The following BST1 variants were observed in gnomAD, a reference collection of about 807,000 sequenced individuals.
BST1 encodes ADP-ribosyl cyclase/cyclic ADP-ribose hydrolase 2.
A neutral mutation model predicts 40.6 loss-of-function variants in BST1; 49 were observed. The ratio of observed to expected loss-of-function variants is 1.21; its 90% CI spans 0.96 to 1.53. BST1 has a LOEUF of 1.53. BST1 is among the 40% of genes most tolerant of loss of function. The probability of loss-of-function intolerance (pLI) is 0.00; values close to 1 mark genes in which losing one functional copy is unlikely to be tolerated. For synonymous variants in BST1, 157 were observed against 159.3 expected (o/e 0.99, Z 0.11); for missense variants, 423 against 395.9 (o/e 1.07, Z -0.58).
chr4:15,761,106 A>G, the BST1 span, among the ~76,000 whole-genome samples: 3 of 151,942 alleles, frequency 2.0e-5, no homozygotes, highest in Non-Finnish European at 2.9e-5. Context: ...GTGCTGTGGC[A>G]CAACCTCAGC....
chr4:15,736,006 A>G, downstream of BST1: 1 of 1,138,970 alleles, frequency 8.8e-7, no homozygotes, highest in South Asian at 1.3e-5. Context: ...CACGCAGAGT[A>G]GCAGACATTT....
chr4:15,722,978 C>T (rs376536197), intron 8 of BST1, 44 bp downstream of exon 8: 166 of 1,560,608 alleles, frequency 1.1e-4, no homozygotes, highest in Non-Finnish European at 1.9e-5. Flanking sequence ...CAAAGATAAC[C>T]ATCTCCTTTC....
At chr4:15,750,604 G>A in the BST1 span, among the ~76,000 whole-genome samples, 1 of 152,216 alleles carries the variant, frequency 6.6e-6, no homozygotes, top group Non-Finnish European at 1.5e-5. Flanking sequence ...CAGCTACTGA[G>A]TATTTGAGAT....
At chr4:15,738,839 C>A (rs1721662079), downstream of BST1, among the ~76,000 whole-genome samples, 1 of 152,172 alleles carries the variant, frequency 6.6e-6, no homozygotes, top group African/African-American at 2.4e-5. Flanking sequence ...TGAGGTTTGC[C>A]AAAGGTGCCA....
chr4:15,745,464 T>C, the BST1 span, among the ~76,000 whole-genome samples: 1 of 152,238 alleles, frequency 6.6e-6, no homozygotes, highest in Non-Finnish European at 1.5e-5. Flanking sequence ...CATTTTGCAT[T>C]GCCCCCAAAA....
intron 8 of BST1, chr4:15,731,452 G>A: frequency 1.3e-6 from 1 of 752,726 alleles, no homozygotes; most frequent in Non-Finnish European, 2.3e-6. Context: ...TTGGGGCAGG[G>A]AGTGGACTTA....
At chr4:15,712,605 C>A (rs1404576413) in intron 4 of BST1, among the ~76,000 whole-genome samples, 1 of 152,152 alleles carries the variant, frequency 6.6e-6, no homozygotes, top group Non-Finnish European at 1.5e-5. Context: ...CAGGACTATC[C>A]ATGTCTTTTT....
rs767816367 is a variant in BST1, at chr4:15,715,756, C to G, written c.661C>G (p.Arg221Gly). Residue 221 changes from arginine (R) to glycine (G), a missense_variant, in exon 6 of 9, where the codon CGA becomes GGA. Transcript: ENST00000265016. ...AAACCTCCAGAAGGAAAAAATTACA[C>G]GAATCGAGATCTGGGTTATGCATGA... ...IPNLQKEKIT[R>G]IEIWVMHEIG... The G allele has an allele frequency of 6.3e-7, 1 of 1,598,960 alleles. No individual in the cohort carries two copies. Among genetic ancestry groups the G allele is most frequent in the South Asian group, 1.1e-5 (1 of 87,074 alleles).
At chr4:15,768,759 G>A in the BST1 span, among the ~76,000 whole-genome samples, 1 of 151,718 alleles carries the variant, frequency 6.6e-6, no homozygotes, top group Non-Finnish European at 1.5e-5. Flanking sequence ...GCCTCCCAAA[G>A]TGCTGGGATT....
chr4:15,705,711 G>C (rs1012624434), intron 2 of BST1, 70 bp downstream of exon 2: 31 of 1,570,366 alleles, frequency 2.0e-5, no homozygotes, highest in Non-Finnish European at 2.6e-5. Flanking sequence ...GCATGGGCCA[G>C]GTTGACATTA....
downstream of BST1, among the ~76,000 whole-genome samples, chr4:15,735,236 C>G (rs1721513179): frequency 6.6e-6 from 1 of 152,168 alleles, no homozygotes. Flanking sequence ...TGCAAAAAAG[C>G]AAAGAATTCC....
the BST1 span, among the ~76,000 whole-genome samples, chr4:15,769,668 C>CTA: frequency 2.0e-5 from 3 of 151,458 alleles, no homozygotes; most frequent in Non-Finnish European, 4.4e-5. Context: ...TTCTCTCTCT[C>CTA]TATATATATA....
downstream of BST1, among the ~76,000 whole-genome samples, chr4:15,733,536 G>A (rs1315925725): frequency 1.3e-5 from 2 of 152,170 alleles, no homozygotes; most frequent in Admixed American, 1.3e-4. Flanking sequence ...GTCCCCTCTC[G>A]ACCTAGGAAG....
At chr4:15,735,791 C>T (rs540130533), downstream of BST1, among the ~76,000 whole-genome samples, 2 of 152,306 alleles carry the variant, frequency 1.3e-5, no homozygotes, top group African/African-American at 4.8e-5. Context: ...TACCAGGCGA[C>T]TTAGCCACTC....
intron 3 of BST1, among the ~76,000 whole-genome samples, chr4:15,707,855 CTATA>C (rs1553863514): frequency 4.7e-5 from 6 of 128,648 alleles, no homozygotes; most frequent in African/African-American, 1.2e-4. Flanking sequence ...CTCTCTCTCT[CTATA>C]TATATATATA....
chr4:15,759,581 T>C, the BST1 span, among the ~76,000 whole-genome samples: 3 of 151,902 alleles, frequency 2.0e-5, no homozygotes, highest in African/African-American at 7.3e-5. Context: ...TTTTTCTCAC[T>C]TCTTCACTTC....
At chr4:15,713,972 G>A (rs1012666514) in intron 4 of BST1, among the ~76,000 whole-genome samples, 2 of 152,088 alleles carry the variant, frequency 1.3e-5, no homozygotes, top group Admixed American at 1.3e-4. Context: ...CCAAATGGCT[G>A]AGATTACAGG....
chr4:15,746,663 A>G, the BST1 span, among the ~76,000 whole-genome samples: 8 of 152,198 alleles, frequency 5.3e-5, no homozygotes, highest in Non-Finnish European at 8.8e-5. Flanking sequence ...GAATCTCATC[A>G]TAAGTTTGGA....
chr4:15,733,215 A>G (rs1173530582), downstream of BST1, among the ~76,000 whole-genome samples: 1 of 152,176 alleles, frequency 6.6e-6, no homozygotes, highest in East Asian at 1.9e-4. Flanking sequence ...GGTCCATTTT[A>G]CAGAGTGCTG....
Sources: gnomAD v4.1 joint callset for allele counts (sites outside exome capture counted in the v4.1 genomes callset) on GRCh38, gnomAD v4.1.1 for gene constraint, MANE v1.5 for transcripts, NCBI Gene and HGNC (gene_info 2026-07-23, HGNC 2026-07-21) for gene names.